HPSE2: variants seen among roughly 807,000 people sequenced by gnomAD.
HPSE2 encodes the protein heparanase 2 (inactive), also known as inactive heparanase-2.
HPSE2 carries 38 observed loss-of-function variants against 60.5 expected under a neutral mutation model. The observed-to-expected ratio is 0.63, with a 90% CI of 0.48 to 0.82. HPSE2 has a LOEUF of 0.82. Ranked by LOEUF, HPSE2 falls within the 40% of genes least tolerant of loss-of-function variation. The pLI is 0.00. For synonymous variants in HPSE2, 295 were observed against 293.2 expected (o/e 1.01, Z -0.06); for missense variants, 713 against 740.4 (o/e 0.96, Z 0.43).
chr10:98,794,570 T>G (rs996669543), intron 3 of HPSE2, among the ~76,000 whole-genome samples: 10 of 152,200 alleles, frequency 6.6e-5, no homozygotes, highest in African/African-American at 2.4e-4. Context: ...TTCATGCCTC[T>G]TTAGTTCCTA....
At chr10:98,824,400 T>G (rs1487616350) in intron 3 of HPSE2, among the ~76,000 whole-genome samples, 1 of 152,198 alleles carries the variant, frequency 6.6e-6, no homozygotes, top group Non-Finnish European at 1.5e-5. Context: ...GCATGTATGT[T>G]TTAATTCACT....
At chr10:99,211,150 A>C (rs1329192901) in intron 2 of HPSE2, among the ~76,000 whole-genome samples, 1 of 152,126 alleles carries the variant, frequency 6.6e-6, no homozygotes, top group Admixed American at 6.5e-5. Flanking sequence ...AATGAAGACA[A>C]CAATTCTATT....
intron 3 of HPSE2, among the ~76,000 whole-genome samples, chr10:98,989,573 C>G (rs1956470208): frequency 6.6e-6 from 1 of 151,202 alleles, no homozygotes; most frequent in African/African-American, 2.4e-5. Context: ...GTGCAGCACA[C>G]CAACATGGCA....
At chr10:99,035,728 C>T (rs768647281) in intron 3 of HPSE2, among the ~76,000 whole-genome samples, 11 of 152,168 alleles carry the variant, frequency 7.2e-5, no homozygotes, top group Non-Finnish European at 1.5e-4. Flanking sequence ...AATGTCATTA[C>T]GTGATAGGAA....
intron 9 of HPSE2, among the ~76,000 whole-genome samples, chr10:98,569,427 A>G (rs558017891): frequency 1.8e-4 from 28 of 152,356 alleles, no homozygotes; most frequent in African/African-American, 6.7e-4. Flanking sequence ...AAAATGTAAA[A>G]TAAACTTAAT....
intron 1 of HPSE2, among the ~76,000 whole-genome samples, chr10:99,233,801 C>T (rs945456892): frequency 2.0e-5 from 3 of 152,094 alleles, no homozygotes; most frequent in African/African-American, 7.2e-5. Context: ...CAGGGCGTCG[C>T]GTGGGCCTAC....
intron 3 of HPSE2, among the ~76,000 whole-genome samples, chr10:98,777,236 C>T (rs1950360863): frequency 6.6e-6 from 1 of 152,078 alleles, no homozygotes; most frequent in Admixed American, 6.6e-5. Flanking sequence ...TCCCTATCAC[C>T]TTGGGCAGGC....
chr10:99,284,740 T>C, the HPSE2 span, among the ~76,000 whole-genome samples: 2 of 152,210 alleles, frequency 1.3e-5, no homozygotes, highest in African/African-American at 4.8e-5. Flanking sequence ...GTTTGTTACA[T>C]AGGTAAACTT....
intron 3 of HPSE2, among the ~76,000 whole-genome samples, chr10:98,984,250 G>A (rs1274725646): frequency 6.6e-6 from 1 of 152,180 alleles, no homozygotes; most frequent in Non-Finnish European, 1.5e-5. Flanking sequence ...CCCAGTAGGG[G>A]CAGACTGACA....
intron 2 of HPSE2, among the ~76,000 whole-genome samples, chr10:99,226,083 C>T (rs890257340): frequency 1.3e-5 from 2 of 151,946 alleles, no homozygotes; most frequent in Non-Finnish European, 2.9e-5. Context: ...GGTTTTACCA[C>T]ATGAAGATAA....
At chr10:98,797,271 C>T (rs1168469146) in intron 3 of HPSE2, among the ~76,000 whole-genome samples, 1 of 152,056 alleles carries the variant, frequency 6.6e-6, no homozygotes, top group Non-Finnish European at 1.5e-5. Context: ...AGAATTTTAT[C>T]AGATAAATTT....
intron 3 of HPSE2, among the ~76,000 whole-genome samples, chr10:99,125,740 A>G (rs1437963570): frequency 6.6e-6 from 1 of 152,190 alleles, no homozygotes; most frequent in Admixed American, 6.5e-5. Flanking sequence ...AACCTTACCT[A>G]TAGTTGAAAT....
intron 2 of HPSE2, among the ~76,000 whole-genome samples, chr10:99,230,209 A>C (rs922391415): frequency 6.6e-6 from 1 of 152,234 alleles, no homozygotes; most frequent in Non-Finnish European, 1.5e-5. Context: ...GGTAGTCTAG[A>C]TAAAAAACAG....
chr10:99,144,227 A>C lies in HPSE2; in HGVS notation c.610+11T>G. 2 of 1,613,420 alleles carry C rather than the reference A, an allele frequency of 1.2e-6. No individual in the cohort carries two copies. Among genetic ancestry groups the C allele is most frequent in the African/African-American group, 1.3e-5 (1 of 75,042 alleles). On this transcript the variant is annotated intron_variant, in intron 3 of 11. Coordinates refer to ENST00000370552, the MANE Select transcript of HPSE2 (RefSeq NM_021828.5). The stretch of plus-strand genomic sequence containing the variant: ...ATGCTCTAAGATTTCAACCAACTCC[A>C]ATAGCCTTACCTGTTAATATGAGAT...
At chr10:98,616,440 C>A (rs1354010702) in intron 8 of HPSE2, among the ~76,000 whole-genome samples, 4 of 152,174 alleles carry the variant, frequency 2.6e-5, no homozygotes, top group Non-Finnish European at 4.4e-5. Context: ...ATTCAGCACA[C>A]TGGGGAAAAT....
intron 11 of HPSE2, among the ~76,000 whole-genome samples, chr10:98,479,335 C>A (rs1209034932): frequency 6.6e-6 from 1 of 152,216 alleles, no homozygotes. Context: ...TGGCTTCAAG[C>A]TGTAGCAAGA....
chr10:98,823,915 C>T lies in HPSE2; in HGVS notation c.611-79859G>A, dbSNP rs1442453027. Reference sequence around the variant, plus strand: ...TATAGAACTCCAAACAGAAAAAATGCATGCTTTTCAATCAACATTTACCAT... The same window carrying T: ...TATAGAACTCCAAACAGAAAAAATGTATGCTTTTCAATCAACATTTACCAT... On this transcript the variant is annotated intron_variant, in intron 3 of 11. Transcript: ENST00000370552. 2.0e-5 allele frequency among the ~76,000 whole-genome samples: 3 copies of T among 152,180 alleles called. No individual in the cohort carries two copies. The East Asian group carries it at 5.8e-4, about 29-fold the overall frequency.
chr10:98,564,830 G>T (rs1388033418), intron 9 of HPSE2, among the ~76,000 whole-genome samples: 1 of 152,138 alleles, frequency 6.6e-6, no homozygotes, highest in African/African-American at 2.4e-5. Context: ...TCAATAACCT[G>T]TCTTAATGTT....
At chr10:98,950,359 C>A (rs184165624) in intron 3 of HPSE2, among the ~76,000 whole-genome samples, 1 of 152,236 alleles carries the variant, frequency 6.6e-6, no homozygotes, top group Non-Finnish European at 1.5e-5. Flanking sequence ...GGATTAGTGG[C>A]AGTCATATTA....
Sources: allele counts gnomAD v4.1 joint callset (sites outside exome capture counted in the v4.1 genomes callset), GRCh38; gene constraint gnomAD v4.1.1; transcripts MANE v1.5; gene names NCBI Gene and HGNC (gene_info 2026-07-23, HGNC 2026-07-21).